NFATC2: variants seen among roughly 807,000 people sequenced by gnomAD.
NFATC2 encodes nuclear factor of activated T cells 2, also known as nuclear factor of activated T-cells, cytoplasmic 2.
In NFATC2, 22 loss-of-function variants were observed where a neutral mutation model predicts 87.3. The observed-to-expected ratio is 0.25, with a 90% confidence interval of 0.18 to 0.36. The LOEUF is 0.36. Among genes scored for constraint, NFATC2 ranks in the 10% least tolerant of loss-of-function variants. NFATC2 has a pLI of 1.00. For synonymous variants in NFATC2, 565 were observed against 542.2 expected (o/e 1.04, Z -0.58); for missense variants, 1,149 against 1,259.1 (o/e 0.91, Z 1.32).
chr20:51,556,367 C>T (rs1206314884), intron 1 of NFATC2, among the ~76,000 whole-genome samples: 1 of 152,190 alleles, frequency 6.6e-6, no homozygotes, highest in Non-Finnish European at 1.5e-5. Context: ...CACCCCAAGT[C>T]GTTCGCAACT....
At chr20:51,485,429 A>T (rs1989622580) in intron 3 of NFATC2, among the ~76,000 whole-genome samples, 1 of 152,036 alleles carries the variant, frequency 6.6e-6, no homozygotes, top group Non-Finnish European at 1.5e-5. Flanking sequence ...CCCTACCAAC[A>T]TTCCCGTCCC....
At chr20:51,556,246 C>G (rs2076977165) in intron 1 of NFATC2, among the ~76,000 whole-genome samples, 1 of 152,206 alleles carries the variant, frequency 6.6e-6, no homozygotes, top group Non-Finnish European at 1.5e-5. Flanking sequence ...CTTCCGGCCT[C>G]TAGAACTATG....
intron 9 of NFATC2, among the ~76,000 whole-genome samples, chr20:51,404,765 G>A (rs1038203681): frequency 2.9e-4 from 44 of 152,268 alleles, no homozygotes; most frequent in Non-Finnish European, 5.1e-4. Context: ...GCTGAGAGGG[G>A]CCCCTCCCAG....
chr20:51,410,318 C>T (rs1376133466), intron 9 of NFATC2, among the ~76,000 whole-genome samples: 3 of 144,068 alleles, frequency 2.1e-5, no homozygotes, highest in Non-Finnish European at 4.4e-5. Flanking sequence ...GGTGTGATAA[C>T]AATATCAGGG....
intron 6 of NFATC2, among the ~76,000 whole-genome samples, chr20:51,436,178 C>T (rs1032824421): frequency 1.3e-5 from 2 of 152,130 alleles, no homozygotes; most frequent in East Asian, 3.8e-4. Context: ...CTCATTCATA[C>T]CCGAACCTCA....
At chr20:51,518,290 T>C (rs1043100784) in intron 2 of NFATC2, among the ~76,000 whole-genome samples, 2 of 152,190 alleles carry the variant, frequency 1.3e-5, no homozygotes, top group South Asian at 4.1e-4. Flanking sequence ...GAGTATTTTT[T>C]CCCAGTTAGC....
chr20:51,554,875 G>T (rs1038406418), intron 1 of NFATC2, among the ~76,000 whole-genome samples: 3 of 152,204 alleles, frequency 2.0e-5, no homozygotes, highest in Admixed American at 2.0e-4. Context: ...GGTGGAGGAG[G>T]AGCTGACGAG....
intron 3 of NFATC2, among the ~76,000 whole-genome samples, chr20:51,491,918 A>ACACACC (rs1274279772): frequency 3.3e-5 from 3 of 90,014 alleles, no homozygotes; most frequent in Non-Finnish European, 6.6e-5. Context: ...ACACACACAC[A>ACACACC]CCCCTTGCCC....
At chr20:51,418,252 T>A (rs73269905) in intron 9 of NFATC2, among the ~76,000 whole-genome samples, 3 of 152,104 alleles carry the variant, frequency 2.0e-5, no homozygotes, top group Admixed American at 6.5e-5. Flanking sequence ...CACTCAATAT[T>A]ATAAAGCTGT....
chr20:51,416,246 AGAGT>A (rs1390855812), intron 9 of NFATC2, among the ~76,000 whole-genome samples: 1 of 152,110 alleles, frequency 6.6e-6, no homozygotes, highest in Non-Finnish European at 1.5e-5. Flanking sequence ...TGAGAGAGAG[AGAGT>A]GAGACTCTGT....
At chr20:51,426,436 C>T (rs1981840614) in intron 9 of NFATC2, among the ~76,000 whole-genome samples, 1 of 152,032 alleles carries the variant, frequency 6.6e-6, no homozygotes. Flanking sequence ...CAAGATCATG[C>T]CACTGCACTC....
chr20:51,414,171 C>A (rs1979689857), intron 9 of NFATC2, among the ~76,000 whole-genome samples: 1 of 90,158 alleles, frequency 1.1e-5, no homozygotes, highest in Non-Finnish European at 2.6e-5. Flanking sequence ...AAGGGCTTCC[C>A]ATGTGCAAAG....
intron 3 of NFATC2, among the ~76,000 whole-genome samples, chr20:51,477,216 C>T (rs190849784): frequency 6.6e-5 from 10 of 152,022 alleles, no homozygotes; most frequent in Admixed American, 3.3e-4. Context: ...GCCTATGAAC[C>T]GACCCAGAAA....
In NFATC2 at chr20:51,398,626, C is replaced by CAGAAGATATCGATT; in HGVS notation, c.*44+3_*44+16dup. The stretch of plus-strand genomic sequence containing the variant: ...CACAGCTGGAAAACAAAAGGAGAAG[C>CAGAAGATATCGATT]AGAAGATATCGATTACCTTTAACTT... On this transcript the variant is annotated intron_variant, in intron 10 of 10. Transcript: ENST00000371564. 1.3e-6 allele frequency: 2 copies of CAGAAGATATCGATT among 1,554,868 alleles called. No individual in the cohort carries two copies. Among genetic ancestry groups the CAGAAGATATCGATT allele is most frequent in the South Asian group, 1.2e-5 (1 of 84,658 alleles).
intron 6 of NFATC2, among the ~76,000 whole-genome samples, chr20:51,443,732 A>G (rs1984676096): frequency 6.6e-6 from 1 of 152,158 alleles, no homozygotes; most frequent in Admixed American, 6.5e-5. Flanking sequence ...CTCTGGGCTG[A>G]GATGAAATAA....
chr20:51,398,811 G>C (rs991416451), intron 9 of NFATC2, 81 bp from the exon 10 acceptor site: 3 of 957,334 alleles, frequency 3.1e-6, no homozygotes, highest in Admixed American at 3.7e-5. Flanking sequence ...AACTCATGCC[G>C]ATATCATCCA....
chr20:51,477,559 ATATATATATATATATATATAT>A (rs1568667131), intron 3 of NFATC2, among the ~76,000 whole-genome samples: 28 of 122,436 alleles, frequency 2.3e-4, no homozygotes, highest in Middle Eastern at 3.7e-3. Flanking sequence ...ATATATATAT[ATATATATATATATATATATAT>A]AAAATAACAA....
At chr20:51,431,620 C>CCT (rs1982721326) in intron 9 of NFATC2, among the ~76,000 whole-genome samples, 1 of 152,142 alleles carries the variant, frequency 6.6e-6, no homozygotes, top group Non-Finnish European at 1.5e-5. Flanking sequence ...CCTTTTCCTC[C>CCT]CTCTCCCTCC....
chr20:51,554,901 G>T (rs897909829), intron 1 of NFATC2, among the ~76,000 whole-genome samples: 1 of 151,546 alleles, frequency 6.6e-6, no homozygotes, highest in Admixed American at 6.6e-5. Context: ...TCCAGGCGGG[G>T]CTGACAAGAA....
Sources: allele counts gnomAD v4.1 joint callset (sites outside exome capture counted in the v4.1 genomes callset), GRCh38; gene constraint gnomAD v4.1.1; transcripts MANE v1.5; gene names NCBI Gene and HGNC (gene_info 2026-07-23, HGNC 2026-07-21).